The following DLGAP2 variants were observed in gnomAD, a reference collection of about 807,000 sequenced individuals.
DLGAP2 encodes the protein DLG associated protein 2, also known as disks large-associated protein 2.
In DLGAP2, 26 loss-of-function variants were observed where a neutral mutation model predicts 100.3. The observed-to-expected ratio is 0.26, with a 90% CI of 0.19 to 0.36. The LOEUF (loss-of-function observed/expected upper bound fraction) is 0.36, where lower values mean the gene tolerates loss of function less well. DLGAP2 is among the 10% of genes least tolerant of loss of function. The probability of loss-of-function intolerance (pLI) is 1.00; values close to 1 mark genes in which losing one functional copy is unlikely to be tolerated. For missense variants in DLGAP2, 1,858 were observed against 1,453.2 expected, an observed-to-expected ratio of 1.28 and a Z score of -4.53; for synonymous variants, 886 against 630.1, an observed-to-expected ratio of 1.41 and a Z score of -6.08.
chr8:850,972 C>T (rs1395773752), intron 1 of DLGAP2, among the ~76,000 whole-genome samples: 4 of 152,142 alleles, frequency 2.6e-5, no homozygotes, highest in African/African-American at 9.6e-5. Context: ...GCAAAGAGGC[C>T]ATGTACAGAG....
chr8:1,370,865 G>A (rs1459154322), intron 3 of DLGAP2, among the ~76,000 whole-genome samples: 1 of 152,234 alleles, frequency 6.6e-6, no homozygotes, highest in Non-Finnish European at 1.5e-5. Context: ...ACACAGGACT[G>A]TTGTAAGGAT....
At chr8:883,228 A>C (rs1471385057) in intron 1 of DLGAP2, 1 of 152,250 alleles carries the variant, frequency 6.6e-6, no homozygotes, top group Non-Finnish European at 1.5e-5. Context: ...CACGGCCTCC[A>C]CGTGCAGTGA....
At chr8:1,683,896 G>C (rs28377587) in intron 12 of DLGAP2, among the ~76,000 whole-genome samples, 2 of 83,458 alleles carry the variant, frequency 2.4e-5, no homozygotes, top group African/African-American at 1.0e-4. Context: ...GTGTGTGTGT[G>C]TATACACATA....
chr8:957,508 C>G (rs942445642), intron 2 of DLGAP2, among the ~76,000 whole-genome samples: 2 of 152,222 alleles, frequency 1.3e-5, no homozygotes, highest in African/African-American at 4.8e-5. Flanking sequence ...TATTAGGCCA[C>G]TGCTGATGTG....
intron 3 of DLGAP2, among the ~76,000 whole-genome samples, chr8:1,418,912 T>G (rs959572916): frequency 1.3e-5 from 2 of 152,192 alleles, no homozygotes; most frequent in Non-Finnish European, 2.9e-5. Context: ...AGTTCAGTGA[T>G]TTGCTTGAAT....
chr8:1,259,604 C>G (rs530848773), intron 3 of DLGAP2: 4 of 152,296 alleles, frequency 2.6e-5, no homozygotes, highest in Non-Finnish European at 4.4e-5. Flanking sequence ...TTGGGGAACT[C>G]GGGACACAGC....
At chr8:994,682 G>C (rs140500915) in intron 2 of DLGAP2, among the ~76,000 whole-genome samples, 62 of 152,334 alleles carry the variant, frequency 4.1e-4, no homozygotes, top group African/African-American at 1.4e-3. Context: ...CTGGAACTCA[G>C]CTCTGTAGGA....
intron 2 of DLGAP2, among the ~76,000 whole-genome samples, chr8:925,528 G>A (rs982124086): frequency 5.9e-5 from 9 of 152,268 alleles, no homozygotes; most frequent in African/African-American, 1.7e-4. Context: ...GGATGGGTGC[G>A]GAGAGAGTGT....
intron 3 of DLGAP2, among the ~76,000 whole-genome samples, chr8:1,264,015 C>G (rs1246901148): frequency 6.6e-6 from 1 of 152,144 alleles, no homozygotes; most frequent in Non-Finnish European, 1.5e-5. Context: ...AATCAGAAAA[C>G]AGTCTCTAGG....
At chr8:1,552,571 T>G (rs1282504468) in intron 5 of DLGAP2, among the ~76,000 whole-genome samples, 2 of 152,230 alleles carry the variant, frequency 1.3e-5, no homozygotes, top group Non-Finnish European at 2.9e-5. Flanking sequence ...GCATTAAACT[T>G]TCTGGTGGAA....
At chr8:1,349,195 C>G (rs73670779) in intron 3 of DLGAP2, among the ~76,000 whole-genome samples, 1 of 150,674 alleles carries the variant, frequency 6.6e-6, no homozygotes, top group Non-Finnish European at 1.5e-5. Context: ...CTGTGTCGTA[C>G]GCTCACATTA....
chr8:1,490,442 A>C (rs919730912), intron 3 of DLGAP2, among the ~76,000 whole-genome samples: 1 of 152,172 alleles, frequency 6.6e-6, no homozygotes, highest in Non-Finnish European at 1.5e-5. Context: ...ATATTTTTTT[A>C]TGTTAAAATG....
intron 3 of DLGAP2, among the ~76,000 whole-genome samples, chr8:1,331,311 T>G (rs1801152756): frequency 6.6e-6 from 1 of 152,076 alleles, no homozygotes; most frequent in Non-Finnish European, 1.5e-5. Context: ...GCTGGTTGGG[T>G]GGGTTGGCTG....
intron 6 of DLGAP2, among the ~76,000 whole-genome samples, chr8:1,599,178 T>G (rs939361591): frequency 2.0e-5 from 3 of 152,220 alleles, no homozygotes; most frequent in Non-Finnish European, 4.4e-5. Context: ...TGTGCAGTTT[T>G]GAGTGAGATT....
At chr8:1,515,436 GCA>G (rs35301403) in intron 4 of DLGAP2, among the ~76,000 whole-genome samples, 26,279 of 151,998 alleles carry the variant, frequency 0.17, 2,479 homozygotes, top group African/African-American at 0.22. Context: ...GCAGACACAT[GCA>G]CACACACGTG....
rs549106753 is a variant in DLGAP2 at position 1,508,774 on chromosome 8, G to A, written c.172+7343G>A. Among the ~76,000 whole-genome samples, 11 of 151,582 alleles carry A rather than the reference G, an allele frequency of 7.3e-5. No homozygotes were observed. The East Asian group carries it at 1.8e-3, about 25-fold the overall frequency. ...GCTGACGGCGTTCCCTAAAAACACC[G>A]AGCAGGCAAATGAGTGCGGACTAAG... On this transcript the variant is annotated intron_variant, in intron 4 of 14. Coordinates refer to ENST00000637795, the MANE Select transcript of DLGAP2 (RefSeq NM_001346810.2).
chr8:1,548,428 C>T (rs948031765), intron 4 of DLGAP2, among the ~76,000 whole-genome samples, 198 bp from the exon 5 acceptor site: 1 of 139,442 alleles, frequency 7.2e-6, no homozygotes, highest in African/African-American at 2.7e-5. Flanking sequence ...CATTGCACTC[C>T]AGCCTGGGCG....
chr8:1,525,850 C>T lies in DLGAP2; in HGVS notation c.173-22776C>T, dbSNP rs138909640. On this transcript the variant is annotated intron_variant, in intron 4 of 14. Coordinates refer to ENST00000637795, the MANE Select transcript of DLGAP2 (RefSeq NM_001346810.2). The stretch of plus-strand genomic sequence containing the variant: ...TGTCTTGGCCTCATCTCCTGTGTGA[C>T]GTTGGGCGGTGATGGGACCTTGGTG... Among the ~76,000 whole-genome samples, 429 of 152,188 alleles carry T rather than the reference C, an allele frequency of 2.8e-3. 11 individuals are homozygous for T. The highest frequency in any genetic ancestry group is 0.026 in the Admixed American group (392 of 15,294).
intron 2 of DLGAP2, among the ~76,000 whole-genome samples, chr8:935,175 T>C (rs962497752): frequency 5.3e-5 from 8 of 152,208 alleles, no homozygotes; most frequent in African/African-American, 1.9e-4. Flanking sequence ...TGGAAACAGC[T>C]TCTCTGAGCG....
Sources: allele counts gnomAD v4.1 joint callset (sites outside exome capture counted in the v4.1 genomes callset), GRCh38; gene constraint gnomAD v4.1.1; transcripts MANE v1.5; gene names NCBI Gene and HGNC (gene_info 2026-07-23, HGNC 2026-07-21).